Variants in NEDD4L observed in about 807,000 individuals in gnomAD.
NEDD4L encodes the protein E3 ubiquitin-protein ligase NEDD4-like.
A neutral mutation model predicts 148.9 loss-of-function variants in NEDD4L; 54 were observed. The observed-to-expected ratio is 0.36, with a 90% CI of 0.29 to 0.45. The LOEUF (loss-of-function observed/expected upper bound fraction) is 0.45. Among genes scored for constraint, NEDD4L ranks in the 20% least tolerant of loss-of-function variants. The pLI, the probability that NEDD4L is intolerant of heterozygous loss-of-function variation, is 1.00. For missense variants in NEDD4L, 856 were observed against 1,233.8 expected (o/e 0.69, Z 4.59); for synonymous variants, 433 against 440.7 (o/e 0.98, Z 0.22).
chr18:58,325,281 G>A (rs2059213378), intron 9 of NEDD4L, 119 bp downstream of exon 9: 1 of 1,175,132 alleles, frequency 8.5e-7, no homozygotes, highest in African/African-American at 1.5e-5. Context: ...AGCAGATGGT[G>A]GTGTGGTACG....
chr18:58,139,321 C>T lies in NEDD4L; in HGVS notation c.49-26467C>T, dbSNP rs1198644587. 1.8e-4 allele frequency among the ~76,000 whole-genome samples: 27 copies of T among 150,088 alleles called. No homozygotes were observed. In the East Asian group the frequency reaches 4.3e-3, roughly 24 times the overall value. On this transcript the variant is annotated intron_variant, in intron 1 of 30. Transcript: ENST00000400345. ...CCGACCCCCGCCCCATACAGGAGAC[C>T]CTCAGATACATTTCTGTCAGTACCC...
At chr18:58,260,113 G>A (rs2049160671) in intron 5 of NEDD4L, among the ~76,000 whole-genome samples, 1 of 152,148 alleles carries the variant, frequency 6.6e-6, no homozygotes, top group Non-Finnish European at 1.5e-5. Flanking sequence ...CCAGTAGTTT[G>A]AGATTACTGT....
chr18:58,258,067 T>C (rs187045104), intron 5 of NEDD4L, among the ~76,000 whole-genome samples: 30 of 152,370 alleles, frequency 2.0e-4, no homozygotes, highest in Admixed American at 2.0e-3. Context: ...TTCATCATTT[T>C]GAAGATACAA....
chr18:58,189,378 C>T (rs75695981), intron 2 of NEDD4L, among the ~76,000 whole-genome samples: 1,768 of 152,188 alleles, frequency 0.012, 30 homozygotes, highest in African/African-American at 0.041. Flanking sequence ...AATAATACAC[C>T]TGGAGGAAGA....
chr18:58,198,460 G>A (rs1324968723), intron 2 of NEDD4L, among the ~76,000 whole-genome samples: 2 of 152,106 alleles, frequency 1.3e-5, no homozygotes, highest in East Asian at 3.9e-4. Context: ...TTTGTTTTAG[G>A]GAATGGGGCC....
intron 2 of NEDD4L, among the ~76,000 whole-genome samples, chr18:58,214,485 T>C (rs2042930698): frequency 6.6e-6 from 1 of 152,172 alleles, no homozygotes; most frequent in South Asian, 2.1e-4. Context: ...AGAGCAGGGA[T>C]AATAACAGCG....
At chr18:58,264,345 G>A (rs928537835) in intron 5 of NEDD4L, among the ~76,000 whole-genome samples, 3 of 152,106 alleles carry the variant, frequency 2.0e-5, no homozygotes, top group Non-Finnish European at 2.9e-5. Context: ...GCATTCTGCA[G>A]TATGGCATTT....
intron 1 of NEDD4L, among the ~76,000 whole-genome samples, chr18:58,141,996 G>GTCTA (rs1170901785): frequency 7.3e-6 from 1 of 137,590 alleles, no homozygotes; most frequent in African/African-American, 2.7e-5. Context: ...TGTGGGTTTT[G>GTCTA]TCTACCCCAC....
At chr18:58,149,817 A>C (rs1404713241) in intron 1 of NEDD4L, among the ~76,000 whole-genome samples, 2 of 152,246 alleles carry the variant, frequency 1.3e-5, no homozygotes, top group African/African-American at 4.8e-5. Context: ...TTGGGAAACA[A>C]ATTAAGAAAA....
At chr18:58,235,217 T>C (rs990751930) in intron 2 of NEDD4L, among the ~76,000 whole-genome samples, 2 of 152,122 alleles carry the variant, frequency 1.3e-5, no homozygotes, top group African/African-American at 4.8e-5. Flanking sequence ...CACCATTCAA[T>C]TTACTGTCTG....
chr18:58,081,907 G>GT (rs2083451533), intron 1 of NEDD4L, among the ~76,000 whole-genome samples: 1 of 151,560 alleles, frequency 6.6e-6, no homozygotes, highest in African/African-American at 2.4e-5. Context: ...ATAGTTGGTG[G>GT]TAACTACCTA....
intron 19 of NEDD4L, among the ~76,000 whole-genome samples, chr18:58,361,905 G>A (rs1462340086): frequency 8.6e-5 from 13 of 151,826 alleles, no homozygotes; most frequent in East Asian, 7.7e-4. Context: ...AAAAATGTAC[G>A]TGTAATCTCT....
Position 58,389,108 on chromosome 18 carries a change from T to A in NEDD4L, c.2571T>A (p.Asp857Glu). 6.2e-7 allele frequency: 1 copy of A among 1,613,956 alleles called. No homozygotes were observed. The highest frequency in any genetic ancestry group is 8.5e-7 in the Non-Finnish European group (1 of 1,179,834). ...AGTTGCTCATGTGCGGCCTCGGTGA[T>A]GTGGATGTGAATGACTGGAGACAGC... Reference protein sequence around the residue: ...ELELLMCGLGDVDVNDWRQHS... With the variant: ...ELELLMCGLGEVDVNDWRQHS... Residue 857 changes from aspartate (D) to glutamate (E), a missense_variant, in exon 28 of 31, where the codon GAT (aspartate) becomes GAA (glutamate). Physicochemically the swap from Asp to Glu is conservative, Grantham distance 45 (BLOSUM62 2). Transcript: ENST00000400345.
chr18:58,226,826 C>G (rs1704304902), intron 2 of NEDD4L, among the ~76,000 whole-genome samples: 1 of 152,054 alleles, frequency 6.6e-6, no homozygotes, highest in African/African-American at 2.4e-5. Context: ...AGAAAACAAA[C>G]CAGGGTGTGT....
intron 1 of NEDD4L, among the ~76,000 whole-genome samples, chr18:58,061,929 C>T (rs2082353678): frequency 1.6e-5 from 1 of 61,414 alleles, no homozygotes; most frequent in South Asian, 1.4e-3. Flanking sequence ...GGCTACTCTC[C>T]ACTTTTACTG....
chr18:58,208,281 C>G (rs949667898), intron 2 of NEDD4L, among the ~76,000 whole-genome samples: 1 of 152,112 alleles, frequency 6.6e-6, no homozygotes, highest in African/African-American at 2.4e-5. Context: ...GGTAGCAACC[C>G]AAATAGAAGT....
chr18:58,364,457 T>A, intron 20 of NEDD4L, 124 bp downstream of exon 20: 1 of 617,748 alleles, frequency 1.6e-6, no homozygotes, highest in Non-Finnish European at 2.8e-6. Context: ...CTTCCTTTTC[T>A]CTCTGCACTT....
chr18:58,357,228 G>A lies in NEDD4L; in HGVS notation c.1743G>A (p.Leu581=), dbSNP rs1349386614. The A allele has an allele frequency of 2.5e-6, 4 of 1,611,690 alleles. No individual in the cohort carries two copies. Among genetic ancestry groups the A allele is most frequent in the Middle Eastern group, 3.3e-4 (2 of 6,060 alleles). Residue 581 remains leucine, a synonymous_variant, in exon 19 of 31, where the codon CTG becomes CTA. Transcript: ENST00000400345. ...SKITQWEDPR[L]QNPAITGPAV... ...TTACTCAGTGGGAAGACCCAAGACT[G>A]CAGAACCCAGCTATTACTGGTCCGG...
intron 18 of NEDD4L, among the ~76,000 whole-genome samples, chr18:58,354,812 G>A (rs1487269816): frequency 6.6e-6 from 1 of 152,214 alleles, no homozygotes; most frequent in Non-Finnish European, 1.5e-5. Flanking sequence ...TGCTTGGGAG[G>A]TGGTTGGGCA....
Sources: gnomAD v4.1 joint callset for allele counts (sites outside exome capture counted in the v4.1 genomes callset) on GRCh38, gnomAD v4.1.1 for gene constraint, MANE v1.5 for transcripts, NCBI Gene and HGNC (gene_info 2026-07-23, HGNC 2026-07-21) for gene names.